The following FCN2 variants were observed in gnomAD, a reference collection of about 807,000 sequenced individuals.
The protein encoded by FCN2 is ficolin 2, also known as ficolin-2.
FCN2 carries 31 observed loss-of-function variants against 32.5 expected under a neutral mutation model. The ratio of observed to expected loss-of-function variants is 0.96; its 90% CI spans 0.72 to 1.29. The LOEUF (loss-of-function observed/expected upper bound fraction) is 1.29. Ranked by LOEUF, FCN2 falls within the 50% of genes most tolerant of loss-of-function variation. FCN2 has a pLI of 0.00. For missense variants in FCN2, 412 were observed against 406.5 expected, an observed-to-expected ratio of 1.01 and a Z score of -0.12; for synonymous variants, 181 against 164.5, an observed-to-expected ratio of 1.10 and a Z score of -0.77.
At chr9:134,878,249 A>C (rs2132992020), upstream of FCN2, among the ~76,000 whole-genome samples, 1 of 152,272 alleles carries the variant, frequency 6.6e-6, no homozygotes, top group African/African-American at 2.4e-5. Context: ...TGATTAATAC[A>C]GGGGGGTAGA....
intron 7 of FCN2, among the ~76,000 whole-genome samples, chr9:134,886,867 C>T (rs1456698763): frequency 6.6e-6 from 1 of 152,170 alleles, no homozygotes; most frequent in Non-Finnish European, 1.5e-5. Flanking sequence ...TGGAAGGGGT[C>T]TGCCATGATG....
chr9:134,885,705 G>A (rs1043113928), intron 5 of FCN2, 63 bp from the exon 6 acceptor site: 12 of 1,610,618 alleles, frequency 7.5e-6, no homozygotes, highest in African/African-American at 6.7e-5. Context: ...TGGAGGGCGG[G>A]TCCCCCGTGC....
Position 134,886,415 on chromosome 9 carries a change from AC to A in FCN2, c.560-13del. On this transcript the variant is annotated splice_polypyrimidine_tract_variant and intron_variant, in intron 6 of 7. Transcript: ENST00000291744. ...AGAGCCCTTCCGCTGAGACCCTGAAACCTTTCTCTAACAGGAACCAGCGAGC... is the reference window on the plus strand; with the variant it reads ...AGAGCCCTTCCGCTGAGACCCTGAAACTTTCTCTAACAGGAACCAGCGAGC... 1.9e-6 allele frequency: 3 copies of A among 1,614,046 alleles called. No homozygotes were observed. The highest frequency in any genetic ancestry group is 2.5e-6 in the Non-Finnish European group (3 of 1,179,984).
intron 7 of FCN2, 141 bp downstream of exon 7, chr9:134,886,705 C>T (rs568069551): frequency 4.3e-6 from 4 of 935,920 alleles, no homozygotes; most frequent in South Asian, 1.6e-5. Flanking sequence ...CATGCAGACA[C>T]TAACATCTGT....
rs1830742637 is a variant in FCN2 at position 134,885,765 on chromosome 9, C to T, written c.430-3C>T. ...CGGCTCCTGTCCCCTGGCTTCTCCA[C>T]AGGTTTTCCAGCGGAGGGTGGATGG... On this transcript the variant is annotated splice_polypyrimidine_tract_variant and splice_region_variant and intron_variant, in intron 5 of 7. Coordinates refer to ENST00000291744, the MANE Select transcript of FCN2 (RefSeq NM_004108.3). 1.9e-6 allele frequency: 3 copies of T among 1,613,928 alleles called. No homozygotes were observed. Among genetic ancestry groups the T allele is most frequent in the African/African-American group, 2.7e-5 (2 of 74,912 alleles).
chr9:134,869,920 G>A, the FCN2 span, among the ~76,000 whole-genome samples: 3 of 152,164 alleles, frequency 2.0e-5, no homozygotes, highest in Admixed American at 6.5e-5. Flanking sequence ...CCAGCATAAG[G>A]GGGACAGATG....
At chr9:134,870,444 A>G in the FCN2 span, among the ~76,000 whole-genome samples, 1 of 151,980 alleles carries the variant, frequency 6.6e-6, no homozygotes, top group Non-Finnish European at 1.5e-5. This position sits in a 1 kb window ranked among gnomAD's most constrained non-coding sequence, Gnocchi z 4.3. Flanking sequence ...CACTCCCTGC[A>G]CCTTCACCAC....
At chr9:134,873,204 G>A in the FCN2 span, among the ~76,000 whole-genome samples, 54 of 151,966 alleles carry the variant, frequency 3.6e-4, no homozygotes, top group African/African-American at 1.2e-3. Context: ...TGTATGTGAT[G>A]CATGAGAGCC....
upstream of FCN2, among the ~76,000 whole-genome samples, chr9:134,879,982 G>A (rs1830641279): frequency 6.6e-6 from 1 of 152,074 alleles, no homozygotes; most frequent in South Asian, 2.1e-4. Context: ...GCACCTTCAG[G>A]CCAGCTCTTC....
chr9:134,885,390 CG>C (rs1830733711), intron 5 of FCN2, 24 bp downstream of exon 5: 1 of 1,610,022 alleles, frequency 6.2e-7, no homozygotes. Flanking sequence ...TGGGCAGAGG[CG>C]GTCAGCCTGG....
rs191506845 is a variant in FCN2 at position 134,887,316 on chromosome 9, G to A, written c.843G>A (p.Arg281=). 5.8e-5 allele frequency: 93 copies of A among 1,614,154 alleles called. 2 individuals are homozygous for A. In the Admixed American group the frequency reaches 1.5e-3, roughly 27 times the overall value. Reference sequence around the variant, plus strand: ...CAAACCTGAATGGTCGCTACCTCAGGGGGACTCATGGCAGCTTTGCAAATG... The same window carrying A: ...CAAACCTGAATGGTCGCTACCTCAGAGGGACTCATGGCAGCTTTGCAAATG... ...HVSNLNGRYL[R]GTHGSFANGI... is the part of the protein sequence containing the mutation. Residue 281 remains arginine, a synonymous_variant, in exon 8 of 8, where the codon AGG becomes AGA. Transcript: ENST00000291744.
intron 1 of FCN2, among the ~76,000 whole-genome samples, chr9:134,881,475 C>T (rs1830662913): frequency 6.6e-6 from 1 of 152,198 alleles, no homozygotes; most frequent in African/African-American, 2.4e-5. Context: ...TCCTTCGGGG[C>T]TCCCGAGGGG....
Position 134,885,773 on chromosome 9 carries a change from C to A in FCN2, c.435C>A (p.Phe145Leu). The part of the protein sequence containing the change: ...MDTDGGGWTV[F>L]QRRVDGSVDF... ...GTCCCCTGGCTTCTCCACAGGTTTT[C>A]CAGCGGAGGGTGGATGGCTCTGTGG... The change falls in exon 6 of 8, where the codon TTC becomes TTA. Residue 145 changes from phenylalanine to leucine, a missense_variant. Physicochemically the swap from Phe to Leu is conservative, Grantham distance 22 (BLOSUM62 0). Coordinates refer to ENST00000291744, the MANE Select transcript of FCN2 (RefSeq NM_004108.3). 2.5e-6 allele frequency: 4 copies of A among 1,614,052 alleles called. No homozygotes were observed. Among genetic ancestry groups the A allele is most frequent in the Non-Finnish European group, 3.4e-6 (4 of 1,179,976 alleles).
At chr9:134,872,080 T>G in the FCN2 span, among the ~76,000 whole-genome samples, 1 of 152,234 alleles carries the variant, frequency 6.6e-6, no homozygotes, top group African/African-American at 2.4e-5. Context: ...CCGGCAGACC[T>G]ATTTTAAGGG....
rs768992885 is a variant in FCN2, at chr9:134,885,351, C to T, written c.414C>T (p.Asp138=). ...CTGTGCTCTGTGACATGGACACGGA[C>T]GGAGGGGGCTGGACCGTGAGTGTGG... ...PLTVLCDMDT[D]GGGWTVFQRR... Residue 138 remains aspartate, a synonymous_variant, in exon 5 of 8, where the codon GAC becomes GAT. Coordinates refer to ENST00000291744, the MANE Select transcript of FCN2 (RefSeq NM_004108.3). 4.2e-5 allele frequency: 67 copies of T among 1,613,822 alleles called. No individual in the cohort carries two copies. The highest frequency in any genetic ancestry group is 2.8e-4 in the African/African-American group (21 of 75,032).
chr9:134,874,944 T>G, the FCN2 span, among the ~76,000 whole-genome samples: 36,370 of 152,198 alleles, frequency 0.24, 4,613 homozygotes, highest in Middle Eastern at 0.31. Flanking sequence ...CATAAGTATT[T>G]TATATTTTCA....
At chr9:134,874,466 T>C in the FCN2 span, among the ~76,000 whole-genome samples, 6 of 152,220 alleles carry the variant, frequency 3.9e-5, no homozygotes, top group Non-Finnish European at 8.8e-5. Context: ...TAATGAAAAG[T>C]CTAGCTTTTC....
the FCN2 span, among the ~76,000 whole-genome samples, chr9:134,869,806 C>T: frequency 1.3e-5 from 2 of 152,240 alleles, no homozygotes; most frequent in African/African-American, 4.8e-5. Context: ...GGCTCCTGCC[C>T]TCAGGTGCTC....
the FCN2 span, among the ~76,000 whole-genome samples, chr9:134,873,483 T>G: frequency 2.0e-5 from 3 of 152,188 alleles, no homozygotes; most frequent in South Asian, 6.2e-4. Flanking sequence ...TCCCTGACCC[T>G]AACTCTACTG....
Sources: gnomAD v4.1 joint callset for allele counts (sites outside exome capture counted in the v4.1 genomes callset) on GRCh38, gnomAD v4.1.1 for gene constraint, Gnocchi (gnomAD v3.1) non-coding constraint, MANE v1.5 for transcripts, NCBI Gene and HGNC (gene_info 2026-07-23, HGNC 2026-07-21) for gene names.